Variants in ATP13A5 observed in about 807,000 individuals in gnomAD.
ATP13A5 encodes the protein probable cation-transporting ATPase 13A5.
A neutral mutation model predicts 150.2 loss-of-function variants in ATP13A5; 149 were observed. The observed-to-expected ratio is 0.99, with a 90% confidence interval of 0.87 to 1.14. The LOEUF (loss-of-function observed/expected upper bound fraction) is 1.14. Ranked by LOEUF, ATP13A5 falls within the 50% of genes most tolerant of loss-of-function variation. The pLI is 0.00. For synonymous variants in ATP13A5, 497 were observed against 522.2 expected (o/e 0.95, Z 0.66); for missense variants, 1,383 against 1,449.3 (o/e 0.95, Z 0.74).
chr3:193,291,877 G>T (rs1717967838), intron 25 of ATP13A5, among the ~76,000 whole-genome samples: 1 of 151,988 alleles, frequency 6.6e-6, no homozygotes, highest in African/African-American at 2.4e-5. Flanking sequence ...CCTTTGGCTG[G>T]TTCTGATTTT....
rs146911735 is a variant in ATP13A5 at position 193,277,034 on chromosome 3, C to T, written c.3316-204G>A. Among the ~76,000 whole-genome samples the T allele has an allele frequency of 5.0e-4, 76 of 152,198 alleles. 1 individual carries two copies. The East Asian group carries it at 0.014, about 28-fold the overall frequency. ...CCAGAATTCAAAGGAGAATGGACTACCTCTTGGCCTGTGTACCTTTGACAG... is the reference window on the plus strand; with the variant it reads ...CCAGAATTCAAAGGAGAATGGACTATCTCTTGGCCTGTGTACCTTTGACAG... On this transcript the variant is annotated intron_variant, in intron 28 of 29. Transcript: ENST00000342358.
intron 1 of ATP13A5, among the ~76,000 whole-genome samples, chr3:193,375,616 A>G (rs1713614449): frequency 6.6e-6 from 1 of 152,158 alleles, no homozygotes; most frequent in African/African-American, 2.4e-5. Flanking sequence ...AAAACAATAA[A>G]GACCTGTACA....
chr3:193,364,172 T>C lies in ATP13A5; in HGVS notation c.172A>G (p.Arg58Gly). The change falls in exon 2 of 30, where the codon AGA (arginine) becomes GGA (glycine). Residue 58 changes from arginine (R) to glycine (G), a missense_variant. Arg to Gly is a moderately radical substitution (Grantham distance 125). Coordinates refer to ENST00000342358, the MANE Select transcript of ATP13A5 (RefSeq NM_198505.4). ...LLVFYWRPQWRVWANCIPCPL... is the reference protein window; with the variant it reads ...LLVFYWRPQWGVWANCIPCPL... ...CATGGGATGCAGTTGGCCCACACTCTCCACTGGGGTCTCCAGTAGAACACC... is the reference window on the plus strand; with the variant it reads ...CATGGGATGCAGTTGGCCCACACTCCCCACTGGGGTCTCCAGTAGAACACC... The C allele has an allele frequency of 6.2e-7, 1 of 1,614,014 alleles. No individual in the cohort carries two copies. The highest frequency in any genetic ancestry group is 1.1e-5 in the South Asian group (1 of 91,082).
chr3:193,335,357 C>T (rs892142749), intron 9 of ATP13A5, among the ~76,000 whole-genome samples: 1 of 152,134 alleles, frequency 6.6e-6, no homozygotes, highest in Non-Finnish European at 1.5e-5. Flanking sequence ...TTAAAAGCAG[C>T]CTATTATAGA....
intron 25 of ATP13A5, among the ~76,000 whole-genome samples, chr3:193,296,660 CT>C (rs1335605235): frequency 1.3e-5 from 2 of 151,928 alleles, no homozygotes; most frequent in Non-Finnish European, 2.9e-5. Context: ...ATTGTCTTGG[CT>C]ATTCGTGCTC....
chr3:193,362,582 C>A lies in ATP13A5; in HGVS notation c.440G>T (p.Arg147Leu). ...IRYVWNDLEK[R>L]FQKVGLLEDS... The stretch of plus-strand genomic sequence containing the variant: ...TTGTACTTACCCAACTTTCTGAAAC[C>A]GCTTCTCCAGGTCGTTCCAAACATA... Residue 147 changes from arginine to leucine, a missense_variant, in exon 4 of 30, where the codon CGG (arginine) becomes CTG (leucine). This residue lies in a region of ATP13A5 where 787 missense variants were observed against 771.9 expected (regional missense o/e 1.02). Coordinates refer to ENST00000342358, the MANE Select transcript of ATP13A5 (RefSeq NM_198505.4). 2 of 1,614,174 alleles carry A rather than the reference C, an allele frequency of 1.2e-6. No individual in the cohort carries two copies. The highest frequency in any genetic ancestry group is 1.7e-6 in the Non-Finnish European group (2 of 1,180,008).
intron 27 of ATP13A5, among the ~76,000 whole-genome samples, chr3:193,282,381 C>CTT (rs200418162): frequency 5.4e-5 from 8 of 146,950 alleles, no homozygotes; most frequent in Admixed American, 1.4e-4. Flanking sequence ...GGATTAGTTT[C>CTT]TTTTTTTTTT....
At chr3:193,297,645 T>C (rs1197548005) in intron 25 of ATP13A5, among the ~76,000 whole-genome samples, 1 of 152,006 alleles carries the variant, frequency 6.6e-6, no homozygotes, top group Non-Finnish European at 1.5e-5. Flanking sequence ...TTTCTCCTAG[T>C]GGTAATAACG....
intron 5 of ATP13A5, among the ~76,000 whole-genome samples, chr3:193,355,309 C>A (rs1712740162): frequency 6.6e-6 from 1 of 152,132 alleles, no homozygotes. Flanking sequence ...CTCCTTCAAT[C>A]ATCACATTAT....
chr3:193,296,959 G>A (rs1290543312), intron 25 of ATP13A5, among the ~76,000 whole-genome samples: 1 of 152,056 alleles, frequency 6.6e-6, no homozygotes. Context: ...GCTGGGGCCT[G>A]TTGGGAAGGG....
chr3:193,306,972 C>A, intron 22 of ATP13A5: 1 of 364,028 alleles, frequency 2.7e-6, no homozygotes, highest in Non-Finnish European at 3.8e-6. Context: ...AGTTGTGTGA[C>A]CTTGGGAGGG....
chr3:193,332,105 A>G (rs576678120), intron 11 of ATP13A5, among the ~76,000 whole-genome samples: 1 of 152,230 alleles, frequency 6.6e-6, no homozygotes, highest in East Asian at 1.9e-4. Flanking sequence ...AGTAAGAGGG[A>G]CCCAGTGGGA....
At chr3:193,330,969 T>C (rs1711605779) in intron 12 of ATP13A5, among the ~76,000 whole-genome samples, 154 bp downstream of exon 12, 1 of 152,190 alleles carries the variant, frequency 6.6e-6, no homozygotes, top group Admixed American at 6.5e-5. Flanking sequence ...GCTCCTAGAA[T>C]GTGATCTTGC....
At chr3:193,342,017 A>G (rs1376229715) in intron 9 of ATP13A5, among the ~76,000 whole-genome samples, 1 of 152,194 alleles carries the variant, frequency 6.6e-6, no homozygotes, top group East Asian at 1.9e-4. Flanking sequence ...TGCCACCTCC[A>G]ATTCTGATCC....
intron 25 of ATP13A5, among the ~76,000 whole-genome samples, chr3:193,296,743 T>A (rs185143675): frequency 1.2e-4 from 19 of 152,292 alleles, no homozygotes; most frequent in Middle Eastern, 3.4e-3. Flanking sequence ...GGTAGTTTAA[T>A]GGGAATAGTA....
At chr3:193,321,297 G>A (rs1446853733) in intron 16 of ATP13A5, among the ~76,000 whole-genome samples, 3 of 152,174 alleles carry the variant, frequency 2.0e-5, no homozygotes, top group East Asian at 3.9e-4. Flanking sequence ...GCAGCTCCAC[G>A]TTCATTGATT....
chr3:193,279,044 T>C (rs1052176354), intron 28 of ATP13A5, among the ~76,000 whole-genome samples: 3 of 152,194 alleles, frequency 2.0e-5, no homozygotes, highest in African/African-American at 7.2e-5. Flanking sequence ...ATATGGTTTA[T>C]TTTTTTGAAA....
intron 4 of ATP13A5, 37 bp downstream of exon 4, chr3:193,362,530 A>G (rs776452390): frequency 2.9e-5 from 47 of 1,612,544 alleles, no homozygotes; most frequent in Non-Finnish European, 3.9e-5. Context: ...TTTTTCCCCT[A>G]TATCCTGACC....
At position 193,284,919 on chromosome 3, in the gene ATP13A5, G is replaced by A. The variant is rs375097758; in HGVS notation, c.3221C>T (p.Thr1074Ile). The A allele has an allele frequency of 8.7e-6, 14 of 1,612,036 alleles. No homozygotes were observed. In the African/African-American group the frequency reaches 1.2e-4, roughly 14 times the overall value. ...ATTAAACTTTATATACTTACAGTTT[G>A]TATAGATGGGTTTTCGAAATGGCTT... ...KGKPFRKPIY[T>I]NYIFSFLLLA... The change falls in exon 27 of 30, where the codon ACA becomes ATA. Residue 1074 changes from threonine to isoleucine, a missense_variant. Physicochemically the swap from Thr to Ile is moderately conservative, Grantham distance 89. Around this residue, in one of 3 missense-constraint regions of ATP13A5, gnomAD observed 568 missense variants for 621.5 expected, o/e 0.91. Transcript: ENST00000342358.
Sources: gnomAD v4.1 joint callset for allele counts (sites outside exome capture counted in the v4.1 genomes callset) on GRCh38, gnomAD v4.1.1 for gene constraint, gnomAD v4.1.1 regional missense constraint, MANE v1.5 for transcripts, NCBI Gene and HGNC (gene_info 2026-07-23, HGNC 2026-07-21) for gene names.